C5: variants seen among roughly 807,000 people sequenced by gnomAD.
The protein encoded by C5 is complement C5, also known as C3 and PZP-like alpha-2-macroglobulin domain-containing protein 4.
C5 carries 140 observed loss-of-function variants against 218.8 expected under a neutral mutation model. The ratio of observed to expected loss-of-function variants is 0.64; its 90% CI spans 0.56 to 0.74. The LOEUF is 0.74. Ranked by LOEUF, C5 falls within the 30% of genes least tolerant of loss-of-function variation. The probability of loss-of-function intolerance (pLI) is 0.00; values close to 1 mark genes in which losing one functional copy is unlikely to be tolerated. For synonymous variants in C5, 614 were observed against 682.3 expected (o/e 0.90, Z 1.56); for missense variants, 1,700 against 1,969.6 (o/e 0.86, Z 2.59).
the C5 span, among the ~76,000 whole-genome samples, chr9:121,064,902 T>C: frequency 0.13 from 19,567 of 151,958 alleles, 1,379 homozygotes; most frequent in East Asian, 0.18. Context: ...CCGTCTCTAC[T>C]AAAAATACAA....
intron 20 of C5, among the ~76,000 whole-genome samples, chr9:121,001,642 C>T (rs999723397): frequency 6.6e-6 from 1 of 152,036 alleles, no homozygotes; most frequent in Non-Finnish European, 1.5e-5. Flanking sequence ...ATGTAGTTAT[C>T]TAGTCCATTC....
rs1034629460 is a variant in C5 at position 120,957,312 on chromosome 9, C to T, written c.4735G>A (p.Ala1579Thr). Residue 1579 changes from alanine to threonine, a missense_variant, in exon 39 of 41, where the codon GCA becomes ACA. By Grantham distance (58) the Ala-to-Thr change is moderately conservative. Coordinates refer to ENST00000223642, the MANE Select transcript of C5 (RefSeq NM_001735.3). Reference sequence around the variant, plus strand: ...GTTTTGTAGATATCCAGAAGGGTTGCCTTGTACTTGACAAAAACATTTTCT... The same window carrying T: ...GTTTTGTAGATATCCAGAAGGGTTGTCTTGTACTTGACAAAAACATTTTCT... The part of the protein sequence containing the change: ...TVENVFVKYK[A>T]TLLDIYKTGE... The T allele has an allele frequency of 5.0e-6, 8 of 1,612,476 alleles. No homozygotes were observed. Among genetic ancestry groups the T allele is most frequent in the Admixed American group, 1.7e-5 (1 of 59,984 alleles).
rs185695138 is a variant in C5, at chr9:121,034,875, A to G, written c.512T>C (p.Val171Ala). The G allele has an allele frequency of 2.7e-5, 43 of 1,590,282 alleles. 1 individual carries two copies. In the East Asian group the frequency reaches 9.4e-4, roughly 35 times the overall value. The stretch of plus-strand genomic sequence containing the variant: ...ATGATCAATTTCTTCTACCATGTCA[A>G]CTTCTGATCCTTCAGGATCCTGTAA... ...LTFIDPEGSE[V>A]DMVEEIDHIG... is the part of the protein sequence containing the mutation. Residue 171 changes from valine (V) to alanine (A), a missense_variant, in exon 5 of 41, where the codon GTT (valine) becomes GCT (alanine). Coordinates refer to ENST00000223642, the MANE Select transcript of C5 (RefSeq NM_001735.3).
At position 120,989,787 on chromosome 9, in the gene C5, CA is replaced by C; in HGVS notation, c.2942-8del. The C allele has an allele frequency of 2.5e-6, 4 of 1,607,586 alleles. No individual in the cohort carries two copies. Among genetic ancestry groups the C allele is most frequent in the Non-Finnish European group, 3.4e-6 (4 of 1,174,410 alleles). On this transcript the variant is annotated splice_polypyrimidine_tract_variant and splice_region_variant and intron_variant, in intron 23 of 40. Coordinates refer to ENST00000223642, the MANE Select transcript of C5 (RefSeq NM_001735.3). Reference sequence around the variant, plus strand: ...ATCTCACCTACAAGCAGTCCTGAAACAAAAAAGATCAAAGTAGACACATTGC... The same window carrying C: ...ATCTCACCTACAAGCAGTCCTGAAACAAAAAGATCAAAGTAGACACATTGC...
intron 25 of C5, among the ~76,000 whole-genome samples, chr9:120,984,250 G>T (rs902054818): frequency 6.6e-6 from 1 of 151,796 alleles, no homozygotes; most frequent in African/African-American, 2.4e-5. Flanking sequence ...CCACAACTAG[G>T]TGCCTTTTCC....
intron 11 of C5, 63 bp from the exon 12 acceptor site, chr9:121,020,242 CT>C (rs1454617101): frequency 8.4e-7 from 1 of 1,189,084 alleles, no homozygotes; most frequent in African/African-American, 1.5e-5. Context: ...TAAAACATAC[CT>C]TTCAAATTAT....
chr9:120,986,767 T>A (rs772377274), intron 25 of C5, among the ~76,000 whole-genome samples: 1 of 151,114 alleles, frequency 6.6e-6, no homozygotes, highest in African/African-American at 2.5e-5. Flanking sequence ...TTATTTATTT[T>A]TTTATATTTT....
chr9:120,962,521 T>C (rs2046834799), intron 36 of C5, 150 bp downstream of exon 36: 3 of 721,994 alleles, frequency 4.2e-6, no homozygotes, highest in Non-Finnish European at 7.5e-6. Flanking sequence ...TTGTATGCAG[T>C]AGTTTTGAAT....
chr9:121,001,343 A>C (rs1457751132), intron 20 of C5, among the ~76,000 whole-genome samples: 1 of 152,198 alleles, frequency 6.6e-6, no homozygotes, highest in East Asian at 1.9e-4. Flanking sequence ...ATATTAAAGT[A>C]GTATATAGGA....
chr9:120,990,046 C>CAAATT (rs994418263), intron 23 of C5, among the ~76,000 whole-genome samples: 1 of 151,930 alleles, frequency 6.6e-6, no homozygotes, highest in Non-Finnish European at 1.5e-5. Context: ...GAGAACATGG[C>CAAATT]AAATTAGTTG....
At chr9:121,049,384 G>C (rs2047654691) in intron 1 of C5, among the ~76,000 whole-genome samples, 1 of 152,138 alleles carries the variant, frequency 6.6e-6, no homozygotes, top group African/African-American at 2.4e-5. Context: ...TTGAGTGCTT[G>C]TGGCCATGTA....
chr9:121,023,563 C>T, intron 9 of C5, 44 bp from the exon 10 acceptor site: 2 of 1,091,590 alleles, frequency 1.8e-6, no homozygotes, highest in South Asian at 2.5e-5. Flanking sequence ...TTAGGAGTAT[C>T]ATGATCTGTA....
chr9:120,955,200 A>G (rs1449330779), intron 39 of C5, among the ~76,000 whole-genome samples: 1 of 152,150 alleles, frequency 6.6e-6, no homozygotes, highest in Non-Finnish European at 1.5e-5. Flanking sequence ...TGGTATTTTT[A>G]TATTTATAAA....
At chr9:120,959,547 C>G (rs746832638) in intron 38 of C5, among the ~76,000 whole-genome samples, 2 of 152,116 alleles carry the variant, frequency 1.3e-5, no homozygotes, top group Non-Finnish European at 2.9e-5. Flanking sequence ...AGGCATGAGC[C>G]ACTGCGCCCG....
intron 21 of C5, 28 bp downstream of exon 21, chr9:120,997,519 A>G (rs2047126746): frequency 6.8e-7 from 1 of 1,466,768 alleles, no homozygotes; most frequent in Admixed American, 1.7e-5. Context: ...TAATTTAAGC[A>G]TAAGTTATTG....
intron 7 of C5, 137 bp downstream of exon 7, chr9:121,030,260 C>T (rs186576064): frequency 2.6e-5 from 15 of 587,302 alleles, no homozygotes; most frequent in African/African-American, 1.9e-4. Context: ...CATGATGTCT[C>T]CTTTATCAAT....
At chr9:120,972,084 A>T (rs1418527403) in intron 30 of C5, 92 bp from the exon 31 acceptor site, 1 of 970,128 alleles carries the variant, frequency 1.0e-6, no homozygotes, top group Non-Finnish European at 1.6e-6. Context: ...GACATGTACC[A>T]GCCTCCTCTC....
the C5 span, among the ~76,000 whole-genome samples, chr9:121,062,620 C>T: frequency 2.0e-5 from 3 of 152,292 alleles, no homozygotes; most frequent in South Asian, 6.2e-4. Context: ...AATTTTAAGA[C>T]AACTAGATAA....
rs1356388220 is a variant in C5, at chr9:121,024,686, C to CA, written c.1000+767dup. 3.9e-5 allele frequency among the ~76,000 whole-genome samples: 6 copies of CA among 152,140 alleles called. No individual in the cohort carries two copies. In the East Asian group the frequency reaches 9.7e-4, roughly 25 times the overall value. On this transcript the variant is annotated intron_variant, in intron 9 of 40. Transcript: ENST00000223642. ...TTTTCAAGACTGATCATCTTCACAA[C>CA]ACTGTTCTTGCTTGCTCAACAATCA...
Sources: gnomAD v4.1 joint callset for allele counts (sites outside exome capture counted in the v4.1 genomes callset) on GRCh38, gnomAD v4.1.1 for gene constraint, MANE v1.5 for transcripts, NCBI Gene and HGNC (gene_info 2026-07-23, HGNC 2026-07-21) for gene names.